WDR72: variants seen among roughly 807,000 people sequenced by gnomAD.
WDR72 encodes the protein WD repeat-containing protein 72.
WDR72 carries 120 observed loss-of-function variants against 124.2 expected under a neutral mutation model. That is an observed-to-expected ratio of 0.97 (90% CI 0.83 to 1.12). WDR72 has a LOEUF of 1.12. WDR72 is among the 50% of genes most tolerant of loss of function. WDR72 has a pLI of 0.00. For synonymous variants in WDR72, 452 were observed against 441.7 expected, an observed-to-expected ratio of 1.02 and a Z score of -0.29; for missense variants, 1,387 against 1,278.8, an observed-to-expected ratio of 1.08 and a Z score of -1.29.
intron 13 of WDR72, among the ~76,000 whole-genome samples, chr15:53,687,389 A>G (rs964387807): frequency 4.0e-5 from 6 of 150,188 alleles, no homozygotes; most frequent in African/African-American, 1.2e-4. Context: ...TATCACCACC[A>G]ATCCCACAGA....
intron 1 of WDR72, among the ~76,000 whole-genome samples, chr15:53,739,071 T>G (rs961614936): frequency 4.6e-5 from 7 of 152,200 alleles, no homozygotes; most frequent in Non-Finnish European, 7.3e-5. Context: ...CATTCTTATA[T>G]ATGAAAGCAC....
At chr15:53,758,764 A>G (rs889978606) in intron 1 of WDR72, among the ~76,000 whole-genome samples, 1 of 9,706 alleles carries the variant, frequency 1.0e-4, no homozygotes, top group African/African-American at 3.6e-4. Flanking sequence ...TTAACACAAA[A>G]CTGCGGGGGG....
chr15:53,714,348 T>C, intron 6 of WDR72, 86 bp downstream of exon 6: 1 of 1,074,386 alleles, frequency 9.3e-7, no homozygotes, highest in Non-Finnish European at 1.4e-6. Context: ...CTTTTGACAA[T>C]AAACATGTAA....
chr15:53,692,582 C>T (rs1244087031), intron 13 of WDR72, among the ~76,000 whole-genome samples: 1 of 152,166 alleles, frequency 6.6e-6, no homozygotes, highest in African/African-American at 2.4e-5. Context: ...GGCTCATGTA[C>T]ATAACTCCTC....
intron 1 of WDR72, among the ~76,000 whole-genome samples, chr15:53,748,220 T>C (rs908176956): frequency 4.6e-5 from 7 of 152,130 alleles, no homozygotes; most frequent in African/African-American, 1.4e-4. Flanking sequence ...AACAATTGTT[T>C]TGCGTGTGTA....
At position 53,534,231 on chromosome 15, in the gene WDR72, G is replaced by T. The variant is rs540391246; in HGVS notation, c.3149-10909C>A. ...ATGCTCATGGGACAGCTAACTTCCA[G>T]GTAGTGATGACTGAAGAAGTCTACT... On this transcript the variant is annotated intron_variant, in intron 18 of 19. Coordinates refer to ENST00000360509, the MANE Select transcript of WDR72 (RefSeq NM_182758.4). Among the ~76,000 whole-genome samples, 6 of 152,242 alleles carry T rather than the reference G, an allele frequency of 3.9e-5. No individual in the cohort carries two copies. In the East Asian group the frequency reaches 1.2e-3, roughly 29 times the overall value.
intron 18 of WDR72, among the ~76,000 whole-genome samples, chr15:53,585,457 A>T (rs2012154425): frequency 6.6e-6 from 1 of 152,020 alleles, no homozygotes; most frequent in African/African-American, 2.4e-5. Context: ...CGTGGGGATT[A>T]CAGTTAGAGA....
At chr15:53,730,761 C>A (rs554256294) in intron 2 of WDR72, among the ~76,000 whole-genome samples, 12 of 152,176 alleles carry the variant, frequency 7.9e-5, no homozygotes, top group Middle Eastern at 3.4e-3. Context: ...TCTACCCCTA[C>A]CCAAATTATT....
At chr15:53,565,638 T>C (rs1055553979) in intron 18 of WDR72, among the ~76,000 whole-genome samples, 3 of 152,088 alleles carry the variant, frequency 2.0e-5, no homozygotes, top group Admixed American at 2.0e-4. Context: ...ATGCACACAC[T>C]ATGATTTATT....
intron 1 of WDR72, chr15:53,756,946 G>A (rs2018924378): frequency 6.6e-6 from 1 of 152,206 alleles, no homozygotes; most frequent in Admixed American, 6.5e-5. Context: ...GCAAATTCTG[G>A]AATCAGTGTT....
chr15:53,674,619 A>G (rs879021692), intron 13 of WDR72, among the ~76,000 whole-genome samples: 1 of 152,238 alleles, frequency 6.6e-6, no homozygotes, highest in Non-Finnish European at 1.5e-5. Flanking sequence ...ACTTACCTTC[A>G]TTCCTAAATG....
intron 18 of WDR72, among the ~76,000 whole-genome samples, chr15:53,553,058 A>G (rs751426469): frequency 5.9e-5 from 9 of 152,300 alleles, no homozygotes; most frequent in Non-Finnish European, 1.2e-4. Context: ...AAAATTAAAA[A>G]TAATGGCTTT....
chr15:53,639,828 C>T (rs1177138024), intron 14 of WDR72, among the ~76,000 whole-genome samples: 2 of 151,970 alleles, frequency 1.3e-5, no homozygotes, highest in Non-Finnish European at 2.9e-5. Flanking sequence ...TAATAATCTG[C>T]CCTTCCAGTT....
intron 9 of WDR72, among the ~76,000 whole-genome samples, chr15:53,709,385 T>C (rs2017471453): frequency 6.6e-6 from 1 of 152,234 alleles, no homozygotes. Context: ...GTAAAAGACC[T>C]ATAAGCTTAT....
chr15:53,712,214 T>C (rs1028845969), intron 7 of WDR72, among the ~76,000 whole-genome samples: 8 of 152,304 alleles, frequency 5.3e-5, no homozygotes, highest in African/African-American at 1.9e-4. Context: ...CTACTACATA[T>C]ATAATATCTT....
intron 18 of WDR72, among the ~76,000 whole-genome samples, chr15:53,578,425 ATTGTATCCCTGGG>A (rs1476073721): frequency 1.3e-5 from 2 of 152,116 alleles, no homozygotes; most frequent in African/African-American, 4.8e-5. Flanking sequence ...TGCCCTTCTC[ATTGTATCCCTGGG>A]GCCTTGCTCA....
At chr15:53,701,938 A>G (rs1237208491) in intron 12 of WDR72, among the ~76,000 whole-genome samples, 196 bp downstream of exon 12, 5 of 152,174 alleles carry the variant, frequency 3.3e-5, no homozygotes, top group African/African-American at 1.2e-4. Context: ...CGTCTAATGT[A>G]AGTTATAATA....
intron 7 of WDR72, among the ~76,000 whole-genome samples, 198 bp from the exon 8 acceptor site, chr15:53,711,679 T>G (rs1369881143): frequency 6.6e-6 from 1 of 152,192 alleles, no homozygotes; most frequent in Non-Finnish European, 1.5e-5. Context: ...GGGGATACAG[T>G]TCATCTGGTT....
chr15:53,745,622 T>C (rs2018624984), intron 1 of WDR72, among the ~76,000 whole-genome samples: 1 of 152,162 alleles, frequency 6.6e-6, no homozygotes, highest in Non-Finnish European at 1.5e-5. Flanking sequence ...ATTTGGGACA[T>C]GGTTATACTA....
Sources: gnomAD v4.1 joint callset for allele counts (sites outside exome capture counted in the v4.1 genomes callset) on GRCh38, gnomAD v4.1.1 for gene constraint, MANE v1.5 for transcripts, NCBI Gene and HGNC (gene_info 2026-07-23, HGNC 2026-07-21) for gene names.